NHSL1: variants seen among roughly 807,000 people sequenced by gnomAD.
NHSL1 encodes the protein NHS like 1.
A neutral mutation model predicts 95.0 loss-of-function variants in NHSL1; 48 were observed. The observed-to-expected ratio is 0.51, with a 90% CI of 0.40 to 0.64. The LOEUF is 0.64. NHSL1 is among the 30% of genes least tolerant of loss of function. NHSL1 has a pLI of 0.00. For missense variants in NHSL1, 1,971 were observed against 2,077.7 expected, an observed-to-expected ratio of 0.95 and a Z score of 1.00; for synonymous variants, 783 against 833.9, an observed-to-expected ratio of 0.94 and a Z score of 1.05.
chr6:138,627,742 G>A (rs1001722788), intron 1 of NHSL1, among the ~76,000 whole-genome samples: 5 of 152,022 alleles, frequency 3.3e-5, no homozygotes, highest in Non-Finnish European at 5.9e-5. Context: ...TTAGCTGGGC[G>A]TGGTGGCGGG....
intron 1 of NHSL1, among the ~76,000 whole-genome samples, chr6:138,652,158 C>T (rs1263081981): frequency 6.6e-6 from 1 of 152,090 alleles, no homozygotes; most frequent in Non-Finnish European, 1.5e-5. Flanking sequence ...TAAGGTATGG[C>T]TGGCCAGGTG....
intron 1 of NHSL1, chr6:138,571,417 G>A: frequency 2.8e-6 from 1 of 352,774 alleles, no homozygotes; most frequent in Non-Finnish European, 5.2e-6. Flanking sequence ...GTTTATCATT[G>A]AACTTTTCAC....
chr6:138,580,082 C>T (rs1026467126), intron 1 of NHSL1, among the ~76,000 whole-genome samples: 1 of 152,108 alleles, frequency 6.6e-6, no homozygotes, highest in African/African-American at 2.4e-5. Flanking sequence ...GCAAAAATAT[C>T]GAGTACGTTT....
At chr6:138,683,548 A>T (rs1785540150) in intron 1 of NHSL1, among the ~76,000 whole-genome samples, 1 of 152,238 alleles carries the variant, frequency 6.6e-6, no homozygotes, top group Non-Finnish European at 1.5e-5. Flanking sequence ...AAACAAAGAG[A>T]AGGAAAAGGG....
At chr6:138,666,180 G>A (rs1785291666) in intron 1 of NHSL1, among the ~76,000 whole-genome samples, 1 of 152,194 alleles carries the variant, frequency 6.6e-6, no homozygotes, top group Admixed American at 6.5e-5. Context: ...GTGCACGCCT[G>A]TAATCCCATC....
chr6:138,662,447 C>T (rs746738437), intron 1 of NHSL1, among the ~76,000 whole-genome samples: 2 of 152,156 alleles, frequency 1.3e-5, no homozygotes, highest in Admixed American at 6.5e-5. Context: ...ATAGTTGTAT[C>T]CTTTGTTTTA....
chr6:138,565,812 C>A (rs1179295094), intron 1 of NHSL1, among the ~76,000 whole-genome samples: 5 of 142,128 alleles, frequency 3.5e-5, no homozygotes, highest in African/African-American at 1.5e-4. Flanking sequence ...GCATGGTACC[C>A]TGTGCCTGTA....
intron 1 of NHSL1, among the ~76,000 whole-genome samples, chr6:138,653,415 G>A (rs759069095): frequency 9.2e-5 from 14 of 152,068 alleles, no homozygotes; most frequent in African/African-American, 1.7e-4. Context: ...CTAGCCAGGC[G>A]TAGTGGCATG....
At chr6:138,626,889 G>A (rs796473080) in intron 1 of NHSL1, among the ~76,000 whole-genome samples, 5 of 32,952 alleles carry the variant, frequency 1.5e-4, no homozygotes, top group South Asian at 1.6e-3. Flanking sequence ...GCGAGACTCC[G>A]TCTCAAAAAA....
In NHSL1 at chr6:138,423,073, A is replaced by G. The variant is rs1775013723; in HGVS notation, c.*1008T>C. 6.7e-6 allele frequency: 1 copy of G among 148,898 alleles called. No individual in the cohort carries two copies. The highest frequency in any genetic ancestry group is 1.5e-5 in the Non-Finnish European group (1 of 67,496). The allele number at this position is 148,898 out of a possible 1,614,324, so 9.2% of individuals were successfully genotyped here. On this transcript the variant is annotated 3_prime_UTR_variant, in exon 8 of 8. Coordinates refer to ENST00000343505, the MANE Select transcript of NHSL1 (RefSeq NM_001144060.2). Reference sequence around the variant, plus strand: ...CATTTCAAGTGACAGGAAATTGCCTAATGGAAGTTTAAACTCTGGTTAAAA... The same window carrying G: ...CATTTCAAGTGACAGGAAATTGCCTGATGGAAGTTTAAACTCTGGTTAAAA...
chr6:138,425,049 G>A (rs1349226451), intron 7 of NHSL1, among the ~76,000 whole-genome samples: 1 of 151,828 alleles, frequency 6.6e-6, no homozygotes, highest in Non-Finnish European at 1.5e-5. Flanking sequence ...GGGCAACACA[G>A]TAAGACCTTA....
At chr6:138,629,795 T>C (rs900763336) in intron 1 of NHSL1, among the ~76,000 whole-genome samples, 1 of 152,270 alleles carries the variant, frequency 6.6e-6, no homozygotes, top group Admixed American at 6.5e-5. Flanking sequence ...TTTCTAACCA[T>C]ATGTGAAGCT....
In NHSL1 at chr6:138,660,246, ATTTTGTATAC is replaced by A. The variant is rs1282005255; in HGVS notation, c.96+32220_96+32229del. On this transcript the variant is annotated intron_variant, in intron 1 of 3. Transcript: ENST00000491526. ...AGCACTGCTTTTAAATCCTTTATTC[ATTTTGTATAC>A]TTCCTCTACTTAACTGAGCTGTGTT... Among the ~76,000 whole-genome samples, 3 of 152,084 alleles carry A rather than the reference ATTTTGTATAC, an allele frequency of 2.0e-5. No individual in the cohort carries two copies. The East Asian group carries it at 5.8e-4, about 29-fold the overall frequency.
At chr6:138,610,442 T>C (rs1410394402) in intron 1 of NHSL1, among the ~76,000 whole-genome samples, 1 of 151,478 alleles carries the variant, frequency 6.6e-6, no homozygotes, top group Non-Finnish European at 1.5e-5. Flanking sequence ...CTAATGTAAA[T>C]GACGAGTTAA....
chr6:138,447,743 A>G (rs1776956400), intron 3 of NHSL1, among the ~76,000 whole-genome samples: 1 of 152,358 alleles, frequency 6.6e-6, no homozygotes, highest in African/African-American at 2.4e-5. Context: ...ACTGCACTCC[A>G]GCCTAGGCAA....
chr6:138,444,263 C>T (rs1776716780), intron 4 of NHSL1, among the ~76,000 whole-genome samples: 1 of 150,874 alleles, frequency 6.6e-6, no homozygotes, highest in African/African-American at 2.4e-5. Context: ...CAATTAAACT[C>T]TTTTAAATTA....
chr6:138,576,149 G>A (rs765159253), upstream of NHSL1, among the ~76,000 whole-genome samples: 3 of 151,808 alleles, frequency 2.0e-5, no homozygotes, highest in East Asian at 1.9e-4. Context: ...GCATCTCCAC[G>A]CCTGGCTAAT....
intron 2 of NHSL1, among the ~76,000 whole-genome samples, chr6:138,476,975 A>AAAAAAAAG (rs1779114968): frequency 7.4e-6 from 1 of 135,204 alleles, no homozygotes; most frequent in African/African-American, 2.7e-5. Flanking sequence ...AAAAAAAAAA[A>AAAAAAAAG]AAAAAAAGAC....
upstream of NHSL1, among the ~76,000 whole-genome samples, chr6:138,573,858 G>A (rs756768212): frequency 1.2e-4 from 18 of 152,262 alleles, no homozygotes; most frequent in South Asian, 2.1e-4. Context: ...ACACTTACCA[G>A]GGATGCTTGC....
Sources: gnomAD v4.1 joint callset for allele counts (sites outside exome capture counted in the v4.1 genomes callset) on GRCh38, gnomAD v4.1.1 for gene constraint, MANE v1.5 for transcripts, NCBI Gene and HGNC (gene_info 2026-07-23, HGNC 2026-07-21) for gene names.